Variants in CUL5 observed in about 807,000 individuals in gnomAD.
The protein encoded by CUL5 is cullin 5, also known as cullin-5.
A neutral mutation model predicts 108.8 loss-of-function variants in CUL5; 26 were observed. The ratio of observed to expected loss-of-function variants is 0.24; its 90% CI spans 0.18 to 0.33. The LOEUF (loss-of-function observed/expected upper bound fraction) is 0.33, where lower values mean the gene tolerates loss of function less well. Among genes scored for constraint, CUL5 ranks in the 10% least tolerant of loss-of-function variants. CUL5 has a pLI of 1.00. For missense variants in CUL5, 524 were observed against 909.2 expected (o/e 0.58, Z 5.45); for synonymous variants, 334 against 298.0 (o/e 1.12, Z -1.25).
intron 1 of CUL5, among the ~76,000 whole-genome samples, chr11:108,022,191 T>C (rs1234082468): frequency 6.6e-6 from 1 of 152,188 alleles, no homozygotes; most frequent in African/African-American, 2.4e-5. Context: ...TATAATTTGA[T>C]GTGGTATGTT....
At chr11:108,051,600 A>C (rs1459919233) in intron 4 of CUL5, among the ~76,000 whole-genome samples, 1 of 152,198 alleles carries the variant, frequency 6.6e-6, no homozygotes, top group Non-Finnish European at 1.5e-5. Context: ...CATCTGACCA[A>C]GTTTCTTGGA....
At chr11:108,020,856 C>T (rs542301793) in intron 1 of CUL5, among the ~76,000 whole-genome samples, 33 of 152,244 alleles carry the variant, frequency 2.2e-4, no homozygotes, top group Middle Eastern at 3.4e-3. Context: ...ACAGTAATGT[C>T]CTAGACCTTC....
At chr11:108,093,821 C>T (rs773815383) in intron 13 of CUL5, among the ~76,000 whole-genome samples, 5 of 152,188 alleles carry the variant, frequency 3.3e-5, no homozygotes, top group East Asian at 1.9e-4. Context: ...CTCAGCCTTC[C>T]GAGTAGCTGG....
intron 3 of CUL5, among the ~76,000 whole-genome samples, chr11:108,048,963 C>T (rs577042350): frequency 3.0e-4 from 46 of 150,998 alleles, no homozygotes; most frequent in South Asian, 8.5e-4. Flanking sequence ...CCGCACCTGC[C>T]GTGACTCCAC....
At chr11:108,039,854 C>G (rs1591290124) in intron 2 of CUL5, among the ~76,000 whole-genome samples, 1 of 151,916 alleles carries the variant, frequency 6.6e-6, no homozygotes, top group Admixed American at 6.6e-5. Flanking sequence ...CTTCATTTTC[C>G]CTTTGTTTTT....
chr11:108,082,552 C>G (rs904635681), intron 11 of CUL5, among the ~76,000 whole-genome samples: 1 of 152,092 alleles, frequency 6.6e-6, no homozygotes, highest in African/African-American at 2.4e-5. Flanking sequence ...GCTAGGATTA[C>G]GGGCAGGAGC....
intron 1 of CUL5, among the ~76,000 whole-genome samples, chr11:108,029,740 C>T (rs764294980): frequency 7.9e-5 from 12 of 152,194 alleles, no homozygotes; most frequent in South Asian, 2.1e-4. Context: ...ATTAGGGAAA[C>T]GTGTTTATTA....
At position 108,104,474 on chromosome 11, in the gene CUL5, G is replaced by C. The variant is rs1448180958; in HGVS notation, c.*90G>C. 3.9e-6 allele frequency: 3 copies of C among 767,332 alleles called. No individual in the cohort carries two copies. Among genetic ancestry groups the C allele is most frequent in the Non-Finnish European group, 6.1e-6 (3 of 488,812 alleles). 47.5% of individuals were successfully genotyped at this position (767,332 alleles called of 1,614,324 possible). A position where few individuals can be genotyped will look rare whatever the true frequency, so the allele number is the denominator to read the frequency against. ...GTTTGTGCTGGAGAAAGGTTTATTT[G>C]GACTTTGATTACATAAATATTAAAA... On this transcript the variant is annotated 3_prime_UTR_variant, in exon 19 of 19. Transcript: ENST00000393094.
intron 1 of CUL5, among the ~76,000 whole-genome samples, chr11:108,032,648 A>G (rs1490994517): frequency 1.3e-5 from 2 of 152,032 alleles, no homozygotes; most frequent in Non-Finnish European, 2.9e-5. Context: ...ATATTGCACT[A>G]CTTTTACATT....
intron 8 of CUL5, among the ~76,000 whole-genome samples, chr11:108,071,195 A>G (rs1863811758): frequency 6.6e-6 from 1 of 152,202 alleles, no homozygotes; most frequent in Non-Finnish European, 1.5e-5. Context: ...ATGTAGTATT[A>G]CAACTACCTT....
intron 4 of CUL5, 68 bp downstream of exon 4, chr11:108,050,134 A>G: frequency 7.2e-7 from 1 of 1,390,654 alleles, no homozygotes; most frequent in Non-Finnish European, 9.7e-7. Flanking sequence ...AGCATTTGAA[A>G]GTAATTTGAA....
Position 108,052,719 on chromosome 11 carries a change from T to C in CUL5, c.471T>C (p.Asp157=). 1 of 1,613,530 alleles carries C rather than the reference T, an allele frequency of 6.2e-7. No individual in the cohort carries two copies. The highest frequency in any genetic ancestry group is 8.5e-7 in the Non-Finnish European group (1 of 1,179,520). Residue 157 remains aspartate, a synonymous_variant, in exon 5 of 19, where the codon GAT becomes GAC. Coordinates refer to ENST00000393094, the MANE Select transcript of CUL5 (RefSeq NM_003478.6). ...IFSNIKNRLQ[D]SAMKLVHAER... ...CAAACATAAAAAACAGACTCCAAGA[T>C]AGTGCAATGAAGCTGGTACATGCTG...
At chr11:108,049,397 A>G (rs942038904) in intron 3 of CUL5, among the ~76,000 whole-genome samples, 5 of 151,536 alleles carry the variant, frequency 3.3e-5, no homozygotes, top group African/African-American at 9.7e-5. Flanking sequence ...GCCAGAGTGC[A>G]GTGGTGCAAT....
intron 12 of CUL5, among the ~76,000 whole-genome samples, chr11:108,089,209 A>G (rs868597479): frequency 4.6e-5 from 7 of 151,976 alleles, no homozygotes; most frequent in Non-Finnish European, 8.8e-5. Context: ...TTGCAGGGGG[A>G]CATTGATTTT....
intron 10 of CUL5, among the ~76,000 whole-genome samples, chr11:108,077,217 T>C (rs1399617196): frequency 2.6e-5 from 4 of 152,228 alleles, no homozygotes; most frequent in Admixed American, 6.5e-5. Flanking sequence ...AAGAGAATGT[T>C]ATGTGCTAGA....
chr11:108,102,687 C>G (rs1465270802), intron 18 of CUL5, among the ~76,000 whole-genome samples: 1 of 152,158 alleles, frequency 6.6e-6, no homozygotes, highest in Admixed American at 6.5e-5. Context: ...TGAATAGTGC[C>G]TGACTCCCAA....
intron 3 of CUL5, among the ~76,000 whole-genome samples, chr11:108,048,737 G>A (rs1281982384): frequency 7.0e-6 from 1 of 142,996 alleles, no homozygotes; most frequent in African/African-American, 2.7e-5. Flanking sequence ...CGCGATCTCG[G>A]CTCACTACAA....
At chr11:108,065,714 C>T (rs1420701992) in intron 7 of CUL5, among the ~76,000 whole-genome samples, 1 of 152,162 alleles carries the variant, frequency 6.6e-6, no homozygotes, top group Non-Finnish European at 1.5e-5. Context: ...ATCTTTCCTA[C>T]CCTCTTCAGT....
intron 7 of CUL5, among the ~76,000 whole-genome samples, chr11:108,069,226 A>C (rs898054583): frequency 6.6e-6 from 1 of 152,104 alleles, no homozygotes; most frequent in Non-Finnish European, 1.5e-5. Flanking sequence ...CTATGTAGTA[A>C]TGCCACTGTA....
Sources: allele counts gnomAD v4.1 joint callset (sites outside exome capture counted in the v4.1 genomes callset), GRCh38; gene constraint gnomAD v4.1.1; transcripts MANE v1.5; gene names NCBI Gene and HGNC (gene_info 2026-07-23, HGNC 2026-07-21).